ADTRP: variants seen among roughly 807,000 people sequenced by gnomAD.
The protein encoded by ADTRP is androgen-dependent TFPI-regulating protein.
Under a neutral mutation model 27.0 loss-of-function variants are expected in ADTRP, and 20 were observed. The observed-to-expected ratio is 0.74, with a 90% CI of 0.52 to 1.08. ADTRP has a LOEUF of 1.08. ADTRP is among the 50% of genes least tolerant of loss of function. The pLI is 0.00. For synonymous variants in ADTRP, 101 were observed against 105.2 expected (o/e 0.96, Z 0.25); for missense variants, 251 against 275.0 (o/e 0.91, Z 0.62).
chr6:11,729,031 A>C (rs1350011003), intron 4 of ADTRP, among the ~76,000 whole-genome samples: 1 of 152,202 alleles, frequency 6.6e-6, no homozygotes, highest in Non-Finnish European at 1.5e-5. Context: ...GCCAAAAATT[A>C]ATCTTTTAGG....
chr6:11,741,592 G>C (rs2254668), intron 3 of ADTRP, among the ~76,000 whole-genome samples: 44,963 of 151,944 alleles, frequency 0.3, 8,082 homozygotes, highest in East Asian at 0.67. Context: ...GCTGTCCTTT[G>C]GGTTAATATG....
intron 5 of ADTRP, among the ~76,000 whole-genome samples, chr6:11,717,874 T>C (rs1761882537): frequency 6.6e-6 from 1 of 152,246 alleles, no homozygotes; most frequent in African/African-American, 2.4e-5. Context: ...ATTTTTGCCA[T>C]TGACTAAATG....
chr6:11,764,894 T>TAA (rs34204085), intron 3 of ADTRP, among the ~76,000 whole-genome samples: 5 of 122,336 alleles, frequency 4.1e-5, no homozygotes, highest in South Asian at 2.7e-4. Context: ...TACCATTTCT[T>TAA]AAAAAAAAAA....
intron 3 of ADTRP, among the ~76,000 whole-genome samples, chr6:11,758,166 TTC>T (rs1763272420): frequency 6.6e-6 from 1 of 152,198 alleles, no homozygotes; most frequent in South Asian, 2.1e-4. Flanking sequence ...TTGGACCTTA[TTC>T]TGCACTCTTT....
At chr6:11,744,157 C>T (rs924706351) in intron 3 of ADTRP, among the ~76,000 whole-genome samples, 1 of 152,126 alleles carries the variant, frequency 6.6e-6, no homozygotes, top group African/African-American at 2.4e-5. Flanking sequence ...GGCACCTCCT[C>T]CCCTCTCTCT....
chr6:11,750,631 A>G (rs149714002), intron 3 of ADTRP, among the ~76,000 whole-genome samples: 24 of 152,326 alleles, frequency 1.6e-4, no homozygotes, highest in South Asian at 6.2e-4. Context: ...ATCAGAAAGG[A>G]CAACACTCCA....
intron 1 of ADTRP, chr6:11,770,137 TA>T (rs1465404371): frequency 2.0e-6 from 3 of 1,500,756 alleles, no homozygotes; most frequent in Non-Finnish European, 2.7e-6. Context: ...GTAGTTCAGA[TA>T]AAGCATTGTG....
chr6:11,730,072 T>C (rs75272977), intron 4 of ADTRP, among the ~76,000 whole-genome samples: 157 of 152,312 alleles, frequency 1.0e-3, no homozygotes, highest in Admixed American at 2.4e-3. Flanking sequence ...TTTGGTTGAA[T>C]AAGAACTAAG....
At chr6:11,769,969 C>A in intron 1 of ADTRP, 1 of 1,510,876 alleles carries the variant, frequency 6.6e-7, no homozygotes, top group South Asian at 1.2e-5. Flanking sequence ...AACAACCTTA[C>A]GAGCCAAGTC....
intron 4 of ADTRP, among the ~76,000 whole-genome samples, chr6:11,726,281 G>T (rs1477846696): frequency 6.6e-6 from 1 of 152,178 alleles, no homozygotes; most frequent in Non-Finnish European, 1.5e-5. Flanking sequence ...TGGTTTGTTT[G>T]TTCGTACCAA....
intron 5 of ADTRP, among the ~76,000 whole-genome samples, chr6:11,719,473 A>T (rs939335042): frequency 6.6e-6 from 1 of 152,182 alleles, no homozygotes; most frequent in Non-Finnish European, 1.5e-5. Flanking sequence ...ATATGGATCT[A>T]ATTGGTCTAA....
At chr6:11,759,468 C>T (rs1049757804) in intron 3 of ADTRP, among the ~76,000 whole-genome samples, 3 of 152,014 alleles carry the variant, frequency 2.0e-5, no homozygotes, top group African/African-American at 7.2e-5. Flanking sequence ...TAGTGCCTTA[C>T]TTTTTCTATT....
At chr6:11,717,456 C>A in intron 5 of ADTRP, 1 of 1,297,120 alleles carries the variant, frequency 7.7e-7, no homozygotes, top group Non-Finnish European at 1.0e-6. Flanking sequence ...ATCAACATCA[C>A]CATAGATACC....
chr6:11,746,448 T>C (rs532836471), intron 3 of ADTRP, among the ~76,000 whole-genome samples: 1 of 152,270 alleles, frequency 6.6e-6, no homozygotes, highest in East Asian at 1.9e-4. Flanking sequence ...CTGCACATTG[T>C]AGGATGTTAA....
chr6:11,754,665 T>A (rs1346213936), intron 3 of ADTRP, among the ~76,000 whole-genome samples: 1 of 152,158 alleles, frequency 6.6e-6, no homozygotes, highest in African/African-American at 2.4e-5. Flanking sequence ...TAGGCATAAG[T>A]GGCTTCTTAG....
At chr6:11,720,821 A>G (rs1041102445) in intron 5 of ADTRP, among the ~76,000 whole-genome samples, 12 of 152,008 alleles carry the variant, frequency 7.9e-5, no homozygotes, top group Non-Finnish European at 1.8e-4. Flanking sequence ...TATACTCCTT[A>G]AACTCCCTGC....
At chr6:11,762,269 T>C (rs1763414096) in intron 3 of ADTRP, among the ~76,000 whole-genome samples, 1 of 152,356 alleles carries the variant, frequency 6.6e-6, no homozygotes. Context: ...CTCCTGTCCA[T>C]GTTCTTCCTT....
intron 5 of ADTRP, among the ~76,000 whole-genome samples, chr6:11,715,656 T>G (rs1268447685): frequency 7.7e-6 from 1 of 129,068 alleles, no homozygotes; most frequent in Non-Finnish European, 1.6e-5. Context: ...CCCTTTTTTT[T>G]TTTTTTTTTT....
chr6:11,718,667 C>T (rs1178353323), intron 5 of ADTRP, among the ~76,000 whole-genome samples: 2 of 152,204 alleles, frequency 1.3e-5, no homozygotes, highest in Non-Finnish European at 2.9e-5. Context: ...TCTAACTCCT[C>T]CCAAAAAGTA....
Sources: gnomAD v4.1 joint callset for allele counts (sites outside exome capture counted in the v4.1 genomes callset) on GRCh38, gnomAD v4.1.1 for gene constraint, MANE v1.5 for transcripts, NCBI Gene and HGNC (gene_info 2026-07-23, HGNC 2026-07-21) for gene names.